The following RUBCN variants were observed in gnomAD, a reference collection of about 807,000 sequenced individuals.
The protein encoded by RUBCN is rubicon autophagy regulator.
In RUBCN, 74 loss-of-function variants were observed where a neutral mutation model predicts 113.2. That is an observed-to-expected ratio of 0.65 (90% CI 0.54 to 0.79). The LOEUF (loss-of-function observed/expected upper bound fraction) is 0.79, where lower values mean the gene tolerates loss of function less well. Ranked by LOEUF, RUBCN falls within the 30% of genes least tolerant of loss-of-function variation. RUBCN has a pLI of 0.00. For synonymous variants in RUBCN, 480 were observed against 490.0 expected, an observed-to-expected ratio of 0.98 and a Z score of 0.27; for missense variants, 1,109 against 1,251.7, an observed-to-expected ratio of 0.89 and a Z score of 1.72.
chr3:197,697,929 T>C (rs1052286518), intron 7 of RUBCN, among the ~76,000 whole-genome samples: 10 of 152,228 alleles, frequency 6.6e-5, no homozygotes, highest in Non-Finnish European at 1.5e-4. Context: ...TGTGTTCTTC[T>C]TGGGCCTCAA....
At chr3:197,718,455 T>A (rs575934049) in intron 1 of RUBCN, among the ~76,000 whole-genome samples, 1 of 152,000 alleles carries the variant, frequency 6.6e-6, no homozygotes, top group East Asian at 1.9e-4. Context: ...CCCATTCAGA[T>A]CCATTTTTAT....
At chr3:197,693,160 C>T (rs1017729974) in intron 11 of RUBCN, among the ~76,000 whole-genome samples, 12 of 152,158 alleles carry the variant, frequency 7.9e-5, no homozygotes, top group Non-Finnish European at 4.4e-5. Flanking sequence ...TGGAACCCCA[C>T]TGTTCCTCTA....
At position 197,675,409 on chromosome 3, in the gene RUBCN, C is replaced by G; in HGVS notation, c.2740+13G>C. On this transcript the variant is annotated intron_variant, in intron 19 of 19. Transcript: ENST00000296343. The surrounding 1 kb of genome is among the most constrained non-coding windows in gnomAD (Gnocchi z 4.4). ...TTCAGGCTCACTTGCCCGATGCCTG[C>G]ACCTGCCCTCACCTTCACAGGTCCG... 4 of 1,607,546 alleles carry G rather than the reference C, an allele frequency of 2.5e-6. No homozygotes were observed. Among genetic ancestry groups the G allele is most frequent in the Non-Finnish European group, 3.4e-6 (4 of 1,174,480 alleles).
At chr3:197,710,327 G>A (rs944892218) in intron 2 of RUBCN, among the ~76,000 whole-genome samples, 10 of 152,232 alleles carry the variant, frequency 6.6e-5, no homozygotes, top group South Asian at 4.1e-4. Flanking sequence ...ACGGCCGGGC[G>A]CGGTGGCTCA....
chr3:197,721,405 A>G (rs1029905887), intron 1 of RUBCN, among the ~76,000 whole-genome samples: 33 of 152,302 alleles, frequency 2.2e-4, no homozygotes, highest in African/African-American at 7.9e-4. Flanking sequence ...ACAGTTACCC[A>G]TAACAGCCTC....
At chr3:197,701,893 T>C (rs1723723018) in intron 5 of RUBCN, 29 bp from the exon 6 acceptor site, 2 of 1,611,424 alleles carry the variant, frequency 1.2e-6, no homozygotes, top group Non-Finnish European at 1.7e-6. Flanking sequence ...CCAAAAAATG[T>C]GTCAGAGTTA....
chr3:197,720,319 A>G (rs1187982987), intron 1 of RUBCN, among the ~76,000 whole-genome samples: 1 of 152,062 alleles, frequency 6.6e-6, no homozygotes, highest in Non-Finnish European at 1.5e-5. Context: ...CTCCAGGTTC[A>G]CCCATGTTGC....
At position 197,675,040 on chromosome 3, in the gene RUBCN, G is replaced by C; in HGVS notation, c.2897C>G (p.Ala966Gly). The C allele has an allele frequency of 6.2e-7, 1 of 1,612,760 alleles. No individual in the cohort carries two copies. The highest frequency in any genetic ancestry group is 8.5e-7 in the Non-Finnish European group (1 of 1,179,890). ...EEPAEALALE[A>G]AVLEAT The stretch of plus-strand genomic sequence containing the variant: ...TCTTCAGGTGGCCTCCAGGACGGCG[G>C]CTTCCAGGGCCAGCGCTTCCGCGGG... The change falls in exon 20 of 20, where the codon GCC becomes GGC. Residue 966 changes from alanine to glycine, a missense_variant. Physicochemically the swap from Ala to Gly is moderately conservative, Grantham distance 60. Around this residue, in one of 3 missense-constraint regions of RUBCN, gnomAD observed 306 missense variants for 348.9 expected, o/e 0.88. Transcript: ENST00000296343. The surrounding 1 kb of genome is among the most constrained non-coding windows in gnomAD (Gnocchi z 4.4).
chr3:197,714,931 A>G (rs1411703411), intron 2 of RUBCN, among the ~76,000 whole-genome samples: 2 of 152,218 alleles, frequency 1.3e-5, no homozygotes, highest in African/African-American at 4.8e-5. Flanking sequence ...GAAACCTTTA[A>G]GAATTATTGG....
At chr3:197,695,210 G>A (rs561388753) in intron 9 of RUBCN, among the ~76,000 whole-genome samples, 3 of 148,606 alleles carry the variant, frequency 2.0e-5, no homozygotes, top group East Asian at 4.0e-4. Flanking sequence ...CAGACGCAGC[G>A]GCTCACACCT....
Position 197,676,925 on chromosome 3 carries a change from T to C in RUBCN, c.2606A>G (p.Glu869Gly), listed in dbSNP as rs1301259997. Residue 869 changes from glutamate to glycine, a missense_variant, in exon 18 of 20, where the codon GAG becomes GGG. Physicochemically the swap from Glu to Gly is moderately conservative, Grantham distance 98. Transcript: ENST00000296343. Reference sequence around the variant, plus strand: ...ATGGGTAGCCCCTGCCCTGGTGAGCTCAGCAAGCCGGGGCCCCAGCTCCCC... The same window carrying C: ...ATGGGTAGCCCCTGCCCTGGTGAGCCCAGCAAGCCGGGGCCCCAGCTCCCC... Reference protein sequence around the residue: ...RKGELGPRLAELTRAGATHVE... With the variant: ...RKGELGPRLAGLTRAGATHVE... 1 of 1,614,202 alleles carries C rather than the reference T, an allele frequency of 6.2e-7. No homozygotes were observed. The highest frequency in any genetic ancestry group is 1.3e-5 in the African/African-American group (1 of 75,036).
chr3:197,674,920 A>AG lies in RUBCN; in HGVS notation c.*97_*98insC. On this transcript the variant is annotated 3_prime_UTR_variant, in exon 20 of 20. Coordinates refer to ENST00000296343, the MANE Select transcript of RUBCN (RefSeq NM_014687.4). ...AGATGATGATAATTAAAAAAAAAAA[A>AG]AAAAAAAGAAGCCCCAGGTGGGGCG... is the stretch of plus-strand genomic sequence containing the variant. 9.6e-7 allele frequency: 1 copy of AG among 1,044,604 alleles called. No individual in the cohort carries two copies. The highest frequency in any genetic ancestry group is 2.7e-5 in the East Asian group (1 of 36,932). 64.7% of individuals were successfully genotyped at this position (1,044,604 alleles called of 1,614,324 possible).
At chr3:197,718,494 G>C (rs928180650) in intron 1 of RUBCN, among the ~76,000 whole-genome samples, 1 of 152,120 alleles carries the variant, frequency 6.6e-6, no homozygotes, top group South Asian at 2.1e-4. Flanking sequence ...CTGTCACCCA[G>C]GCTGAAGTGT....
At chr3:197,745,390 C>A (rs1223509578) in intron 1 of RUBCN, among the ~76,000 whole-genome samples, 5 of 150,318 alleles carry the variant, frequency 3.3e-5, no homozygotes, top group African/African-American at 4.9e-5. Flanking sequence ...CTGAGGCGGG[C>A]GGATTACCTG....
intron 1 of RUBCN, among the ~76,000 whole-genome samples, chr3:197,748,816 T>C (rs894675088): frequency 6.6e-6 from 1 of 152,234 alleles, no homozygotes; most frequent in East Asian, 1.9e-4. Flanking sequence ...AAATAGTAAA[T>C]GTGTCATTGG....
chr3:197,676,768 G>A, intron 18 of RUBCN, 117 bp downstream of exon 18: 1 of 1,582,134 alleles, frequency 6.3e-7, no homozygotes, highest in Non-Finnish European at 8.5e-7. Context: ...TCCTCTCCCA[G>A]TGCTGACTGG....
chr3:197,693,459 G>C (rs1722656108), intron 11 of RUBCN, among the ~76,000 whole-genome samples: 1 of 152,206 alleles, frequency 6.6e-6, no homozygotes, highest in Non-Finnish European at 1.5e-5. Context: ...GAACCCAGGA[G>C]AAAGACACCA....
intron 1 of RUBCN, among the ~76,000 whole-genome samples, chr3:197,727,228 C>T (rs927677428): frequency 1.7e-4 from 26 of 152,216 alleles, no homozygotes; most frequent in Non-Finnish European, 4.4e-5. Context: ...GCGTGAGCCA[C>T]CTCACCTGGC....
chr3:197,678,430 G>A (rs1720737386), intron 16 of RUBCN, among the ~76,000 whole-genome samples: 1 of 151,028 alleles, frequency 6.6e-6, no homozygotes, highest in African/African-American at 2.4e-5. Context: ...CTCGTCAACT[G>A]GCTTCAGACT....
Sources: gnomAD v4.1 joint callset for allele counts (sites outside exome capture counted in the v4.1 genomes callset) on GRCh38, gnomAD v4.1.1 for gene constraint, gnomAD v4.1.1 regional missense constraint, Gnocchi (gnomAD v3.1) non-coding constraint, MANE v1.5 for transcripts, NCBI Gene and HGNC (gene_info 2026-07-23, HGNC 2026-07-21) for gene names.